The following TM2D2 variants were observed in gnomAD, a reference collection of about 807,000 sequenced individuals.
TM2D2 encodes TM2 domain containing 2.
In TM2D2, 19 loss-of-function variants were observed where a neutral mutation model predicts 23.0. The ratio of observed to expected loss-of-function variants is 0.82; its 90% CI spans 0.58 to 1.21. TM2D2 has a LOEUF of 1.21. Ranked by LOEUF, TM2D2 falls within the 50% of genes most tolerant of loss-of-function variation. The pLI is 0.00. For synonymous variants in TM2D2, 120 were observed against 108.8 expected (o/e 1.10, Z -0.64); for missense variants, 246 against 265.4 (o/e 0.93, Z 0.51).
At position 38,993,525 on chromosome 8, in the gene TM2D2, C is replaced by A. The variant is rs753956391; in HGVS notation, c.431+20G>T. The A allele has an allele frequency of 6.4e-7, 1 of 1,565,294 alleles. No homozygotes were observed. The highest frequency in any genetic ancestry group is 8.8e-7 in the Non-Finnish European group (1 of 1,137,752). ...TACCTCCAACCAAGTACCAACTACT[C>A]CAATCAAAGTAACACTTACTTTATA... is the stretch of plus-strand genomic sequence containing the variant. On this transcript the variant is annotated intron_variant, in intron 3 of 3. Transcript: ENST00000456397.
intron 2 of TM2D2, among the ~76,000 whole-genome samples, chr8:38,994,469 A>G (rs1296547928): frequency 6.6e-5 from 10 of 152,360 alleles, no homozygotes; most frequent in African/African-American, 2.4e-4. Flanking sequence ...ACTTTAATCA[A>G]TAATTATCAA....
rs531488337 is a variant in TM2D2 at position 38,990,222 on chromosome 8, G to C, written c.*1110C>G. 1 of 152,132 alleles carries C rather than the reference G, an allele frequency of 6.6e-6. No individual in the cohort carries two copies. The highest frequency in any genetic ancestry group is 1.5e-5 in the Non-Finnish European group (1 of 68,030). 9.4% of individuals were successfully genotyped at this position (152,132 alleles called of 1,614,324 possible). ...GGAAGTTATTTCAACTGTGATATTTGGTCTTAAATTCAATTATTATTAGGT... is the reference window on the plus strand; with the variant it reads ...GGAAGTTATTTCAACTGTGATATTTCGTCTTAAATTCAATTATTATTAGGT... On this transcript the variant is annotated 3_prime_UTR_variant, in exon 4 of 4. Transcript: ENST00000456397.
At chr8:38,992,597 A>G (rs1317541601) in intron 3 of TM2D2, among the ~76,000 whole-genome samples, 1 of 152,200 alleles carries the variant, frequency 6.6e-6, no homozygotes, top group Non-Finnish European at 1.5e-5. Context: ...TTGCTAAGAT[A>G]TGGAGCATCT....
intron 3 of TM2D2, among the ~76,000 whole-genome samples, chr8:38,991,889 T>A (rs1384282685): frequency 1.3e-5 from 2 of 152,176 alleles, no homozygotes; most frequent in Non-Finnish European, 2.9e-5. Context: ...GGGCGAATAG[T>A]TTAGAACTGG....
At chr8:38,995,250 G>C (rs1186981985) in intron 2 of TM2D2, 68 bp downstream of exon 2, 1 of 1,153,046 alleles carries the variant, frequency 8.7e-7, no homozygotes, top group African/African-American at 1.6e-5. Flanking sequence ...ATACTTTTAT[G>C]TAATAGCATT....
At chr8:38,996,910 C>A, upstream of TM2D2, 1 of 1,443,864 alleles carries the variant, frequency 6.9e-7, no homozygotes, top group Non-Finnish European at 9.4e-7. Context: ...GGCTCAGTTG[C>A]GTCAGTGCCG....
At chr8:38,996,150 T>C (rs886187678) in intron 1 of TM2D2, 63 bp downstream of exon 1, 55 of 1,556,724 alleles carry the variant, frequency 3.5e-5, no homozygotes, top group Non-Finnish European at 4.7e-5. Flanking sequence ...CTGCCTTCCC[T>C]TAACACCCAT....
chr8:38,995,639 T>C (rs1835748644), intron 1 of TM2D2: 1 of 1,407,998 alleles, frequency 7.1e-7, no homozygotes, highest in Non-Finnish European at 9.2e-7. Context: ...CCTGTTTCTA[T>C]AAGGATTCTA....
chr8:38,995,433 A>G (rs1442340623), intron 1 of TM2D2, 28 bp from the exon 2 acceptor site: 1 of 1,611,626 alleles, frequency 6.2e-7, no homozygotes. Flanking sequence ...GATCATGATC[A>G]TCATCATACG....
In TM2D2 at chr8:38,989,290, T is replaced by G. The variant is rs1835535276; in HGVS notation, c.*2042A>C. The G allele has an allele frequency of 6.6e-6, 1 of 152,218 alleles. No homozygotes were observed. Among genetic ancestry groups the G allele is most frequent in the Non-Finnish European group, 1.5e-5 (1 of 68,050 alleles). 9.4% of individuals were successfully genotyped at this position (152,218 alleles called of 1,614,324 possible). A position where few individuals can be genotyped will look rare whatever the true frequency, so the allele number is the denominator to read the frequency against. On this transcript the variant is annotated 3_prime_UTR_variant, in exon 4 of 4. Transcript: ENST00000456397. ...CTTACCCCTGGCAACATAAATGACTTCAAGCCTTGGAGCTGCAAAATTTCT... is the reference window on the plus strand; with the variant it reads ...CTTACCCCTGGCAACATAAATGACTGCAAGCCTTGGAGCTGCAAAATTTCT...
chr8:38,991,522 G>T lies in TM2D2; in HGVS notation c.455C>A (p.Thr152Asn), dbSNP rs1423635876. 1 of 1,613,858 alleles carries T rather than the reference G, an allele frequency of 6.2e-7. No individual in the cohort carries two copies. The highest frequency in any genetic ancestry group is 8.5e-7 in the Non-Finnish European group (1 of 1,179,840). Residue 152 changes from threonine to asparagine, a missense_variant, in exon 4 of 4, where the codon ACC becomes AAC. Coordinates refer to ENST00000456397, the MANE Select transcript of TM2D2 (RefSeq NM_078473.3). ...CIKYTGHYFI[T>N]TLLYSFFLGC... ...CAGGAAGAAGGAGTAGAGTAAAGTG[G>T]TTATGAAGTAGTGTCCGGTATACCT...
chr8:38,993,066 A>C (rs4733897), intron 3 of TM2D2, among the ~76,000 whole-genome samples: 47,537 of 152,074 alleles, frequency 0.31, 7,679 homozygotes, highest in Non-Finnish European at 0.37. Context: ...CACAAGATTT[A>C]TATCTATTGT....
intron 1 of TM2D2, chr8:38,995,670 C>T (rs1276277464): frequency 3.0e-6 from 4 of 1,342,422 alleles, no homozygotes; most frequent in Non-Finnish European, 3.8e-6. Flanking sequence ...GGTTTCATCT[C>T]TTCAGTAGGC....
upstream of TM2D2, chr8:38,996,871 G>A (rs980082202): frequency 3.4e-6 from 5 of 1,466,120 alleles, no homozygotes; most frequent in African/African-American, 5.7e-5. Flanking sequence ...AGCGCAGCTA[G>A]GCGATGTCGG....
In TM2D2 at chr8:38,991,417, C is replaced by A; in HGVS notation, c.560G>T (p.Gly187Val). 1 of 1,614,136 alleles carries A rather than the reference C, an allele frequency of 6.2e-7. No homozygotes were observed. The highest frequency in any genetic ancestry group is 1.1e-5 in the South Asian group (1 of 91,074). Residue 187 changes from glycine to valine, a missense_variant, in exon 4 of 4, where the codon GGG (glycine) becomes GTG (valine). By Grantham distance (109) the Gly-to-Val change is moderately radical. Coordinates refer to ENST00000456397, the MANE Select transcript of TM2D2 (RefSeq NM_078473.3). ...VGKLLTLGGLGIWWFVDLILL... is the reference protein window; with the variant it reads ...VGKLLTLGGLVIWWFVDLILL... ...AATAAGGTCAACAAACCACCAAATC[C>A]CAAGTCCTCCAAGCGTCAACAGCTT...
At chr8:38,993,416 A>T in intron 3 of TM2D2, 129 bp downstream of exon 3, 1 of 578,294 alleles carries the variant, frequency 1.7e-6, no homozygotes, top group Non-Finnish European at 2.9e-6. Context: ...TGATTGCACC[A>T]CTGCACTCCA....
At chr8:38,996,169 G>A (rs779129842) in intron 1 of TM2D2, 44 bp downstream of exon 1, 1 of 1,588,598 alleles carries the variant, frequency 6.3e-7, no homozygotes, top group East Asian at 2.3e-5. Flanking sequence ...ATATATTCCT[G>A]GCACACCCTC....
At chr8:38,994,828 C>T (rs1318103037) in intron 2 of TM2D2, among the ~76,000 whole-genome samples, 1 of 151,620 alleles carries the variant, frequency 6.6e-6, no homozygotes, top group African/African-American at 2.4e-5. Flanking sequence ...GCTTTAATGT[C>T]CTACAAAGAC....
chr8:38,995,933 G>T, intron 1 of TM2D2: 1 of 712,308 alleles, frequency 1.4e-6, no homozygotes, highest in Non-Finnish European at 2.1e-6. Context: ...AGGGCGCAGG[G>T]CAAAGAAAGC....
Sources: allele counts gnomAD v4.1 joint callset (sites outside exome capture counted in the v4.1 genomes callset), GRCh38; gene constraint gnomAD v4.1.1; transcripts MANE v1.5; gene names NCBI Gene and HGNC (gene_info 2026-07-23, HGNC 2026-07-21).